The following ENPP5 variants were observed in gnomAD, a reference collection of about 807,000 sequenced individuals.
ENPP5 encodes the protein ectonucleotide pyrophosphatase/phosphodiesterase family member 5, also known as E-NPP 5.
In ENPP5, 27 loss-of-function variants were observed where a neutral mutation model predicts 33.7. That is an observed-to-expected ratio of 0.80 (90% CI 0.59 to 1.11). The LOEUF (loss-of-function observed/expected upper bound fraction) is 1.11, where lower values mean the gene tolerates loss of function less well. Among genes scored for constraint, ENPP5 ranks in the 50% least tolerant of loss-of-function variants. The pLI, the probability that ENPP5 is intolerant of heterozygous loss-of-function variation, is 0.00. For synonymous variants in ENPP5, 199 were observed against 200.5 expected (o/e 0.99, Z 0.06); for missense variants, 552 against 579.2 (o/e 0.95, Z 0.48).
rs1288419757 is a variant in ENPP5 at position 46,165,527 on chromosome 6, G to A, written c.866C>T (p.Ala289Val). ...FDEVYEALTH[A>V]HPNLTVYKKE... ...TTTGTAAACAGTAAGATTAGGATGA[G>A]CGTGAGTTAGTGCTTCATAGACTTC... Residue 289 changes from alanine to valine, a missense_variant, in exon 4 of 5, where the codon GCT becomes GTT. Coordinates refer to ENST00000371383, the MANE Select transcript of ENPP5 (RefSeq NM_001290072.2). 1.9e-6 allele frequency: 3 copies of A among 1,603,020 alleles called. No homozygotes were observed. Among genetic ancestry groups the A allele is most frequent in the South Asian group, 2.3e-5 (2 of 88,480 alleles).
rs1472230145 is a variant in ENPP5 at position 46,168,157 on chromosome 6, C to G, written c.106G>C (p.Asp36His). The stretch of plus-strand genomic sequence containing the variant: ...TATAAGTAATCCCAACGGAATCCAT[C>G]AAAAGAAACTAGTAGAACCTTTTGC... The part of the protein sequence containing the change: ...DQQKVLLVSF[D>H]GFRWDYLYKV... Residue 36 changes from aspartate (D) to histidine (H), a missense_variant, in exon 3 of 5, where the codon GAT becomes CAT. Transcript: ENST00000371383. The G allele has an allele frequency of 6.2e-6, 10 of 1,613,598 alleles. No individual in the cohort carries two copies. Among genetic ancestry groups the G allele is most frequent in the Non-Finnish European group, 8.5e-6 (10 of 1,179,620 alleles).
In ENPP5 at chr6:46,161,746, G is replaced by T. The variant is rs755867727; in HGVS notation, c.1014C>A (p.Asn338Lys). 51 of 1,606,550 alleles carry T rather than the reference G, an allele frequency of 3.2e-5. No individual in the cohort carries two copies. The highest frequency in any genetic ancestry group is 1.6e-4 in the Middle Eastern group (1 of 6,064). The change falls in exon 5 of 5, where the codon AAC becomes AAA. Residue 338 changes from asparagine (N) to lysine (K), a missense_variant. Asn to Lys is a moderately conservative substitution (Grantham distance 94). Coordinates refer to ENST00000371383, the MANE Select transcript of ENPP5 (RefSeq NM_001290072.2). ...CTGCTAACGCATTATCGTAACCGTGGTTGCCTACTGTAAAGAGAAAATATG... is the reference window on the plus strand; with the variant it reads ...CTGCTAACGCATTATCGTAACCGTGTTTGCCTACTGTAAAGAGAAAATATG... ...QNKSDDFLLGNHGYDNALADM... is the reference protein window; with the variant it reads ...QNKSDDFLLGKHGYDNALADM...
intron 3 of ENPP5, 59 bp from the exon 4 acceptor site, chr6:46,165,622 G>A (rs1764523281): frequency 7.7e-7 from 1 of 1,302,340 alleles, no homozygotes; most frequent in South Asian, 1.8e-5. Context: ...CATCAGCCAT[G>A]GGCAACAGAC....
In ENPP5 at chr6:46,166,933, T is replaced by C. The variant is rs1234983151; in HGVS notation, c.829+501A>G. ...TGGTATAAGGATTCCAGGAGAGGTT[T>C]GTAAAAAGTTTAAGGTATTGTTATT... On this transcript the variant is annotated intron_variant, in intron 3 of 4. Coordinates refer to ENST00000371383, the MANE Select transcript of ENPP5 (RefSeq NM_001290072.2). Among the ~76,000 whole-genome samples, 7 of 152,206 alleles carry C rather than the reference T, an allele frequency of 4.6e-5. No individual in the cohort carries two copies. The East Asian group carries it at 1.4e-3, about 29-fold the overall frequency.
In ENPP5 at chr6:46,161,218, A is replaced by G. The variant is rs1041531636; in HGVS notation, c.*108T>C. 4 of 861,684 alleles carry G rather than the reference A, an allele frequency of 4.6e-6. No individual in the cohort carries two copies. The highest frequency in any genetic ancestry group is 7.1e-6 in the Non-Finnish European group (4 of 562,734). 53.4% of individuals were successfully genotyped at this position (861,684 alleles called of 1,614,324 possible). ...GTATACCTAAATATGTAACTGCTTAATGGTTTCTGCAAATGTTTGGAACTG... is the reference window on the plus strand; with the variant it reads ...GTATACCTAAATATGTAACTGCTTAGTGGTTTCTGCAAATGTTTGGAACTG... On this transcript the variant is annotated 3_prime_UTR_variant, in exon 5 of 5. Coordinates refer to ENST00000371383, the MANE Select transcript of ENPP5 (RefSeq NM_001290072.2).
chr6:46,165,281 C>T (rs1305643659), intron 4 of ENPP5, 106 bp downstream of exon 4: 1 of 866,942 alleles, frequency 1.2e-6, no homozygotes, highest in Non-Finnish European at 1.7e-6. Flanking sequence ...ATTCAAGTAA[C>T]AGACAGTAAA....
rs1483613487 is a variant in ENPP5 at position 46,165,373 on chromosome 6, T to C, written c.1006+14A>G. ...AGTAATGCAGAATGGAAAGAAATACTGTAACATACTCACACAGAAAGTCAT... is the reference window on the plus strand; with the variant it reads ...AGTAATGCAGAATGGAAAGAAATACCGTAACATACTCACACAGAAAGTCAT... On this transcript the variant is annotated intron_variant, in intron 4 of 4. Coordinates refer to ENST00000371383, the MANE Select transcript of ENPP5 (RefSeq NM_001290072.2). 1.3e-6 allele frequency: 2 copies of C among 1,531,150 alleles called. No homozygotes were observed. Among genetic ancestry groups the C allele is most frequent in the Non-Finnish European group, 1.7e-6 (2 of 1,145,670 alleles). 94.8% of individuals were successfully genotyped at this position (1,531,150 alleles called of 1,614,324 possible).
Position 46,161,300 on chromosome 6 carries a change from A to G in ENPP5, c.*26T>C, listed in dbSNP as rs1764383220. ...ACATAATTATGGAATCTCCACTTCA[A>G]TATGCAAATCCACTTCAAAGTAACA... On this transcript the variant is annotated 3_prime_UTR_variant, in exon 5 of 5. Transcript: ENST00000371383. 3 of 1,575,710 alleles carry G rather than the reference A, an allele frequency of 1.9e-6. No individual in the cohort carries two copies. In the East Asian group the frequency reaches 6.7e-5, roughly 35 times the overall value.
chr6:46,165,480 ACC>A lies in ENPP5; in HGVS notation c.911_912del (p.Arg304MetfsTer17). 1 of 1,611,914 alleles carries A rather than the reference ACC, an allele frequency of 6.2e-7. No individual in the cohort carries two copies. Among genetic ancestry groups the A allele is most frequent in the Non-Finnish European group, 8.5e-7 (1 of 1,179,548 alleles). ...ATTCGACTGTTGTATTTGTAATGCC[ACC>A]TTTCTGGAACGTCTTCTTTTTTGTA... is the stretch of plus-strand genomic sequence containing the variant. ...TVYKKEDVPE[R>X]WHYKYNSRIQ... On this transcript the variant is annotated frameshift_variant, in exon 4 of 5. Coordinates refer to ENST00000371383, the MANE Select transcript of ENPP5 (RefSeq NM_001290072.2). LOFTEE classifies it high-confidence loss of function.
In ENPP5 at chr6:46,167,463, G is replaced by T; in HGVS notation, c.800C>A (p.Ser267Tyr). ...DKDHYTLIDQ[S>Y]PVAAILPKEG... ...TTTTGGCAAGATGGCTGCTACTGGAGATTGATCAATCAGGGTATAGTGGTC... is the reference window on the plus strand; with the variant it reads ...TTTTGGCAAGATGGCTGCTACTGGATATTGATCAATCAGGGTATAGTGGTC... The change falls in exon 3 of 5, where the codon TCT becomes TAT. Residue 267 changes from serine (S) to tyrosine (Y), a missense_variant. By Grantham distance (144) the Ser-to-Tyr change is moderately radical. Transcript: ENST00000371383. The T allele has an allele frequency of 1.2e-6, 2 of 1,609,280 alleles. No individual in the cohort carries two copies. Among genetic ancestry groups the T allele is most frequent in the Non-Finnish European group, 1.7e-6 (2 of 1,175,998 alleles).
At chr6:46,165,938 G>A (rs769148820) in intron 3 of ENPP5, among the ~76,000 whole-genome samples, 37 of 152,034 alleles carry the variant, frequency 2.4e-4, no homozygotes, top group Admixed American at 8.5e-4. Flanking sequence ...TGAGGGGTGG[G>A]TGAGGGCTGG....
At chr6:46,169,769 C>T (rs994500894) in intron 2 of ENPP5, among the ~76,000 whole-genome samples, 3 of 152,216 alleles carry the variant, frequency 2.0e-5, no homozygotes, top group Non-Finnish European at 4.4e-5. Flanking sequence ...ATAAAAACTA[C>T]TTGGCATGCT....
At chr6:46,167,031 T>C (rs1274901826) in intron 3 of ENPP5, among the ~76,000 whole-genome samples, 1 of 152,226 alleles carries the variant, frequency 6.6e-6, no homozygotes. Context: ...TTCCACAGCT[T>C]CCTTGTTAAG....
At chr6:46,165,310 G>T in intron 4 of ENPP5, 77 bp downstream of exon 4, 1 of 1,036,026 alleles carries the variant, frequency 9.7e-7, no homozygotes, top group Non-Finnish European at 1.4e-6. Context: ...TCAATAAACT[G>T]CTGTATTATG....
chr6:46,163,077 C>T (rs1360183820), intron 4 of ENPP5, among the ~76,000 whole-genome samples: 3 of 152,072 alleles, frequency 2.0e-5, no homozygotes, highest in African/African-American at 4.8e-5. Context: ...GTGGTAGCCC[C>T]GATCATAAAT....
In ENPP5 at chr6:46,161,181, G is replaced by C; in HGVS notation, c.*145C>G. 1 of 626,332 alleles carries C rather than the reference G, an allele frequency of 1.6e-6. No individual in the cohort carries two copies. The highest frequency in any genetic ancestry group is 2.8e-6 in the Non-Finnish European group (1 of 360,578). 38.8% of individuals were successfully genotyped at this position (626,332 alleles called of 1,614,324 possible). On this transcript the variant is annotated 3_prime_UTR_variant, in exon 5 of 5. Transcript: ENST00000371383. ...TTGGTCCGTGTGTGTGTATGTGTGT[G>C]TGTGTGTGTGTGTATACCTAAATAT...
At position 46,165,537 on chromosome 6, in the gene ENPP5, G is replaced by C. The variant is rs773585362; in HGVS notation, c.856C>G (p.Leu286Val). 3 of 1,592,708 alleles carry C rather than the reference G, an allele frequency of 1.9e-6. No individual in the cohort carries two copies. The highest frequency in any genetic ancestry group is 1.2e-5 in the South Asian group (1 of 86,346). Residue 286 changes from leucine to valine, a missense_variant, in exon 4 of 5, where the codon CTA becomes GTA. Leu to Val is a conservative substitution (Grantham distance 32). Coordinates refer to ENST00000371383, the MANE Select transcript of ENPP5 (RefSeq NM_001290072.2). ...GTAAGATTAGGATGAGCGTGAGTTAGTGCTTCATAGACTTCATCAAATTTA... is the reference window on the plus strand; with the variant it reads ...GTAAGATTAGGATGAGCGTGAGTTACTGCTTCATAGACTTCATCAAATTTA... ...EGKFDEVYEALTHAHPNLTVY... is the reference protein window; with the variant it reads ...EGKFDEVYEAVTHAHPNLTVY...
Position 46,167,537 on chromosome 6 carries a change from C to G in ENPP5, c.726G>C (p.Thr242=). 6.2e-7 allele frequency: 1 copy of G among 1,614,136 alleles called. No homozygotes were observed. Among genetic ancestry groups the G allele is most frequent in the Admixed American group, 1.7e-5 (1 of 60,028 alleles). The change falls in exon 3 of 5, where the codon ACG becomes ACC. Residue 242 remains threonine, a synonymous_variant. Transcript: ENST00000371383. ...NLIITSDHGM[T]QCSEERLIEL... ...CTATTAACCTTTCCTCAGAGCACTGCGTCATTCCATGATCACTTGTGATGA... is the reference window on the plus strand; with the variant it reads ...CTATTAACCTTTCCTCAGAGCACTGGGTCATTCCATGATCACTTGTGATGA...
At chr6:46,163,504 A>C (rs910762921) in intron 4 of ENPP5, among the ~76,000 whole-genome samples, 2 of 151,800 alleles carry the variant, frequency 1.3e-5, no homozygotes, top group Non-Finnish European at 2.9e-5. Flanking sequence ...ACTGAGAATG[A>C]TGATTTCCAA....
Sources: allele counts gnomAD v4.1 joint callset (sites outside exome capture counted in the v4.1 genomes callset), GRCh38; gene constraint gnomAD v4.1.1; transcripts MANE v1.5; gene names NCBI Gene and HGNC (gene_info 2026-07-23, HGNC 2026-07-21).